Variants in PTCHD4 observed in about 807,000 individuals in gnomAD.
PTCHD4 encodes patched domain containing 4.
PTCHD4 carries 33 observed loss-of-function variants against 58.1 expected under a neutral mutation model. The ratio of observed to expected loss-of-function variants is 0.57; its 90% CI spans 0.43 to 0.76. The LOEUF is 0.76. Among genes scored for constraint, PTCHD4 ranks in the 30% least tolerant of loss-of-function variants. The pLI is 0.00. For synonymous variants in PTCHD4, 478 were observed against 409.6 expected, an observed-to-expected ratio of 1.17 and a Z score of -2.02; for missense variants, 1,058 against 1,027.1, an observed-to-expected ratio of 1.03 and a Z score of -0.41.
chr6:48,028,462 T>G (rs1320347511), intron 3 of PTCHD4, among the ~76,000 whole-genome samples: 1 of 152,090 alleles, frequency 6.6e-6, no homozygotes, highest in Non-Finnish European at 1.5e-5. Flanking sequence ...TTATGTGTGA[T>G]GAAGCTAGCT....
intron 3 of PTCHD4, among the ~76,000 whole-genome samples, chr6:48,034,721 C>T (rs1763569023): frequency 6.6e-6 from 1 of 152,110 alleles, no homozygotes; most frequent in South Asian, 2.1e-4. Context: ...TCCATCGGAT[C>T]TAATTACCAC....
intron 4 of PTCHD4, among the ~76,000 whole-genome samples, chr6:47,905,416 C>T (rs1764847730): frequency 6.6e-6 from 1 of 152,100 alleles, no homozygotes; most frequent in South Asian, 2.1e-4. Flanking sequence ...ATTCAGCAAA[C>T]ATTTATTATA....
chr6:48,091,882 T>G (rs1306752437), intron 1 of PTCHD4, among the ~76,000 whole-genome samples: 12 of 151,956 alleles, frequency 7.9e-5, no homozygotes, highest in Non-Finnish European at 8.8e-5. Flanking sequence ...ACTCCTGACC[T>G]CTGATGATCC....
At chr6:48,070,385 A>C (rs2113883534) in intron 1 of PTCHD4, among the ~76,000 whole-genome samples, 1 of 152,290 alleles carries the variant, frequency 6.6e-6, no homozygotes, top group South Asian at 2.1e-4. Context: ...CCTTGTCATA[A>C]TATATACCTT....
chr6:47,907,293 G>T (rs1314055075), intron 4 of PTCHD4, among the ~76,000 whole-genome samples: 6 of 152,154 alleles, frequency 3.9e-5, no homozygotes, highest in Non-Finnish European at 8.8e-5. Context: ...GGTCCCAGAA[G>T]CACAACCACT....
intron 3 of PTCHD4, among the ~76,000 whole-genome samples, chr6:48,015,649 C>T (rs771762110): frequency 2.6e-5 from 4 of 151,950 alleles, no homozygotes; most frequent in African/African-American, 4.8e-5. Flanking sequence ...CTAAACCAGC[C>T]TTCCTTGCAA....
intron 4 of PTCHD4, among the ~76,000 whole-genome samples, chr6:47,984,163 T>C (rs926710003): frequency 6.6e-6 from 1 of 152,150 alleles, no homozygotes; most frequent in African/African-American, 2.4e-5. Context: ...GATTCTCTAT[T>C]TTGCTAGACA....
chr6:48,108,004 GACTGTAA>G (rs1431139023), intron 1 of PTCHD4, among the ~76,000 whole-genome samples: 3 of 152,136 alleles, frequency 2.0e-5, no homozygotes, highest in African/African-American at 7.2e-5. Context: ...CTGTTGGTGG[GACTGTAA>G]ACTAGTTCAA....
rs1581808422 is a variant in PTCHD4, at chr6:47,875,564, T to A, written c.*2739A>T. Among the ~76,000 whole-genome samples, 1 of 151,760 alleles carries A rather than the reference T, an allele frequency of 6.6e-6. No homozygotes were observed. ...ATTATTGCTACAGTTCTCTAAAGAG[T>A]ACTACGGTGTCCTGGAAAAGATAAT... On this transcript the variant is annotated 3_prime_UTR_variant, in exon 5 of 5. Coordinates refer to ENST00000339488, the MANE Select transcript of PTCHD4 (RefSeq NM_001384253.1).
rs150253269 is a variant in PTCHD4, at chr6:48,052,643, T to C, written c.417+15587A>G. ...AATAGAAAAGGAGTTAATTCCCTAT[T>C]TTATATGGCATTGCAAAATATAAGG... On this transcript the variant is annotated intron_variant, in intron 3 of 4. Transcript: ENST00000339488. Among the ~76,000 whole-genome samples, 274 of 152,192 alleles carry C rather than the reference T, an allele frequency of 1.8e-3. 1 individual carries two copies. The highest frequency in any genetic ancestry group is 6.2e-3 in the African/African-American group (258 of 41,548).
At chr6:48,101,252 A>G (rs547744529) in intron 1 of PTCHD4, among the ~76,000 whole-genome samples, 3 of 152,338 alleles carry the variant, frequency 2.0e-5, no homozygotes, top group Admixed American at 6.5e-5. Flanking sequence ...TAATTAAAAA[A>G]TAGAATTCAA....
At chr6:47,932,119 C>A (rs1247902927) in intron 4 of PTCHD4, among the ~76,000 whole-genome samples, 2 of 152,216 alleles carry the variant, frequency 1.3e-5, no homozygotes, top group Non-Finnish European at 2.9e-5. Context: ...CTTGCATTCT[C>A]TGCTCTCCAC....
chr6:47,901,705 G>A, intron 4 of PTCHD4: 1 of 1,152,282 alleles, frequency 8.7e-7, no homozygotes, highest in South Asian at 1.9e-5. Context: ...CCAAAAAATA[G>A]AGGGCTGGGT....
intron 4 of PTCHD4, among the ~76,000 whole-genome samples, chr6:47,918,843 A>T (rs1220714669): frequency 6.6e-6 from 1 of 152,170 alleles, no homozygotes; most frequent in East Asian, 1.9e-4. Context: ...GTGTAATCAC[A>T]TGACTAAGTT....
intron 4 of PTCHD4, among the ~76,000 whole-genome samples, chr6:47,897,910 A>T (rs961130646): frequency 4.3e-5 from 6 of 139,274 alleles, no homozygotes; most frequent in Admixed American, 1.4e-4. Flanking sequence ...TATATCTGTT[A>T]TCATTTCATC....
intron 3 of PTCHD4, among the ~76,000 whole-genome samples, chr6:48,016,758 G>C (rs1762882234): frequency 6.6e-6 from 1 of 150,606 alleles, no homozygotes; most frequent in African/African-American, 2.5e-5. Flanking sequence ...AACTCTCAGA[G>C]AGAAGATTAA....
intron 3 of PTCHD4, among the ~76,000 whole-genome samples, chr6:48,049,420 T>C (rs1430670303): frequency 1.3e-5 from 2 of 151,992 alleles, no homozygotes; most frequent in African/African-American, 4.8e-5. Flanking sequence ...TTAATTAGCC[T>C]ACCTTGCCTA....
At chr6:47,898,135 G>A (rs1014135891) in intron 4 of PTCHD4, among the ~76,000 whole-genome samples, 2 of 151,230 alleles carry the variant, frequency 1.3e-5, no homozygotes, top group African/African-American at 2.4e-5. Context: ...TAGTAGAGAC[G>A]GAGTTTCACC....
rs569566487 is a variant in PTCHD4, at chr6:47,857,315, C to T, written c.*20988G>A. 9.6e-4 allele frequency among the ~76,000 whole-genome samples: 146 copies of T among 152,104 alleles called. No individual in the cohort carries two copies. The highest frequency in any genetic ancestry group is 2.2e-3 in the African/African-American group (93 of 41,526). On this transcript the variant is annotated 3_prime_UTR_variant, in exon 5 of 5. Coordinates refer to ENST00000339488, the MANE Select transcript of PTCHD4 (RefSeq NM_001384253.1). ...ACTAGTAAGAACAGATGCACATTGA[C>T]GACACAAAGTTTCTGCGAATACGTA... is the stretch of plus-strand genomic sequence containing the variant.
Sources: gnomAD v4.1 joint callset for allele counts (sites outside exome capture counted in the v4.1 genomes callset) on GRCh38, gnomAD v4.1.1 for gene constraint, MANE v1.5 for transcripts, NCBI Gene and HGNC (gene_info 2026-07-23, HGNC 2026-07-21) for gene names.